The following DNAH9 variants were observed in gnomAD, a reference collection of about 807,000 sequenced individuals.
The protein encoded by DNAH9 is dynein axonemal heavy chain 9.
A neutral mutation model predicts 471.6 loss-of-function variants in DNAH9; 345 were observed. That is an observed-to-expected ratio of 0.73 (90% CI 0.67 to 0.80). The LOEUF (loss-of-function observed/expected upper bound fraction) is 0.80. DNAH9 is among the 30% of genes least tolerant of loss of function. The probability of loss-of-function intolerance (pLI) is 0.00; values close to 1 mark genes in which losing one functional copy is unlikely to be tolerated. For synonymous variants in DNAH9, 2,093 were observed against 2,123.6 expected (o/e 0.99, Z 0.40); for missense variants, 5,407 against 5,609.2 (o/e 0.96, Z 1.15).
chr17:11,910,966 C>T (rs1359575755), intron 61 of DNAH9, among the ~76,000 whole-genome samples: 3 of 151,978 alleles, frequency 2.0e-5, no homozygotes, highest in Admixed American at 6.6e-5. Flanking sequence ...ATATGATTTC[C>T]AAATATTTTT....
chr17:11,707,959 CCA>C (rs756020074), intron 26 of DNAH9, among the ~76,000 whole-genome samples: 178 of 106,540 alleles, frequency 1.7e-3, no homozygotes, highest in African/African-American at 3.5e-3. Flanking sequence ...GCCTCTCCCA[CCA>C]CACACACACA....
chr17:11,768,543 T>C lies in DNAH9; in HGVS notation c.7261T>C (p.Tyr2421His). The C allele has an allele frequency of 6.2e-7, 1 of 1,614,180 alleles. No homozygotes were observed. The highest frequency in any genetic ancestry group is 2.2e-5 in the East Asian group (1 of 44,874). ...FPSQGTIFDY[Y>H]IDPETKKFEP... ...TTCCCAAGGAACCATCTTTGACTAT[T>C]ACATCGACCCAGAGACCAAGAAATT... The change falls in exon 37 of 69, where the codon TAC becomes CAC. Residue 2421 changes from tyrosine to histidine, a missense_variant. By Grantham distance (83) the Tyr-to-His change is moderately conservative. Transcript: ENST00000262442.
chr17:11,899,452 C>T (rs927402068), intron 59 of DNAH9, among the ~76,000 whole-genome samples: 3 of 152,158 alleles, frequency 2.0e-5, no homozygotes, highest in African/African-American at 7.2e-5. Context: ...GCCAATTTAG[C>T]TCGGTTGTAT....
intron 33 of DNAH9, 138 bp downstream of exon 33, chr17:11,753,098 C>A: frequency 1.5e-6 from 1 of 666,596 alleles, no homozygotes; most frequent in Admixed American, 2.8e-5. Context: ...GCATCTTCAC[C>A]ACACATCTCT....
At chr17:11,745,797 C>T (rs561117911) in intron 31 of DNAH9, among the ~76,000 whole-genome samples, 204 of 152,238 alleles carry the variant, frequency 1.3e-3, no homozygotes, top group Non-Finnish European at 2.4e-3. Flanking sequence ...ATTCAAAATT[C>T]AGTGAGAGGA....
Position 11,693,451 on chromosome 17 carries a change from G to C in DNAH9, c.4615-417G>C, listed in dbSNP as rs577134969. ...TTTTTCTATTTTTAGTTGAGACAGG[G>C]TTTCACCATGTTGGCCAGGCTGGTC... On this transcript the variant is annotated intron_variant, in intron 20 of 68. Transcript: ENST00000262442. 2.0e-5 allele frequency among the ~76,000 whole-genome samples: 3 copies of C among 150,970 alleles called. No individual in the cohort carries two copies. The South Asian group carries it at 6.3e-4, about 32-fold the overall frequency.
intron 5 of DNAH9, among the ~76,000 whole-genome samples, chr17:11,618,510 C>T (rs546468136): frequency 2.7e-5 from 4 of 150,092 alleles, no homozygotes; most frequent in African/African-American, 9.8e-5. Flanking sequence ...CGCTTGAACC[C>T]GGGAGGCAGA....
chr17:11,841,758 T>A (rs1418860795), intron 49 of DNAH9, among the ~76,000 whole-genome samples: 1 of 152,122 alleles, frequency 6.6e-6, no homozygotes, highest in Non-Finnish European at 1.5e-5. Flanking sequence ...TTTATCTTTG[T>A]AGCTATTTTA....
intron 55 of DNAH9, chr17:11,883,014 T>G: frequency 1.0e-6 from 1 of 985,714 alleles, no homozygotes; most frequent in Non-Finnish European, 1.2e-6. Flanking sequence ...TACAGCTGCC[T>G]GAAGTTAGTG....
chr17:11,874,659 A>G (rs34235728), intron 52 of DNAH9, among the ~76,000 whole-genome samples: 1 of 152,192 alleles, frequency 6.6e-6, no homozygotes. Context: ...AGATTAAAAT[A>G]CAGATAATAT....
chr17:11,777,417 A>G (rs901675367), intron 38 of DNAH9, among the ~76,000 whole-genome samples: 5 of 152,158 alleles, frequency 3.3e-5, no homozygotes, highest in Admixed American at 6.5e-5. Flanking sequence ...TTCTTTTTGA[A>G]AATATAAATA....
intron 19 of DNAH9, among the ~76,000 whole-genome samples, chr17:11,689,363 T>G (rs2074293155): frequency 1.4e-5 from 1 of 70,800 alleles, no homozygotes. Flanking sequence ...CTGTCCTGAG[T>G]GTGTTTTTTT....
chr17:11,823,615 T>C (rs537367530), intron 48 of DNAH9, among the ~76,000 whole-genome samples: 9 of 152,312 alleles, frequency 5.9e-5, no homozygotes, highest in African/African-American at 1.9e-4. Flanking sequence ...TCTATCTCTA[T>C]CTGAGTAGTT....
chr17:11,738,831 C>T, intron 28 of DNAH9, 49 bp from the exon 29 acceptor site: 1 of 1,557,832 alleles, frequency 6.4e-7, no homozygotes, highest in African/African-American at 1.4e-5. Flanking sequence ...TATGATCCCT[C>T]CACTAAAAGG....
At chr17:11,778,416 G>C in intron 38 of DNAH9, among the ~76,000 whole-genome samples, 1 of 150,826 alleles carries the variant, frequency 6.6e-6, no homozygotes, top group East Asian at 1.9e-4. Context: ...GCTTGAGGAG[G>C]AGAACAGGAG....
At chr17:11,803,696 C>T (rs779710149) in intron 43 of DNAH9, among the ~76,000 whole-genome samples, 4 of 152,198 alleles carry the variant, frequency 2.6e-5, no homozygotes, top group Admixed American at 6.5e-5. Context: ...TCATCACAAA[C>T]GATGCATTTC....
chr17:11,644,892 T>C (rs199729048), intron 11 of DNAH9, among the ~76,000 whole-genome samples, 193 bp downstream of exon 11: 3 of 152,188 alleles, frequency 2.0e-5, no homozygotes, highest in East Asian at 1.9e-4. Context: ...TTCAGCTGTA[T>C]TCTGGAAATA....
In DNAH9 at chr17:11,784,479, A is replaced by G; in HGVS notation, c.8001A>G (p.Leu2667=). Residue 2667 remains leucine (L), a synonymous_variant, in exon 41 of 69, where the codon CTA becomes CTG. Coordinates refer to ENST00000262442, the MANE Select transcript of DNAH9 (RefSeq NM_001372.4). ...ACCAGAAAATTGCTACCACCTTCCT[A>G]CCCACAGGAATCAAATTCCACTACA... ...AFHQKIATTF[L]PTGIKFHYIF... 1 of 1,614,042 alleles carries G rather than the reference A, an allele frequency of 6.2e-7. No homozygotes were observed. The highest frequency in any genetic ancestry group is 8.5e-7 in the Non-Finnish European group (1 of 1,180,008).
chr17:11,671,878 T>G (rs1024644284), intron 17 of DNAH9, among the ~76,000 whole-genome samples: 1 of 152,146 alleles, frequency 6.6e-6, no homozygotes, highest in South Asian at 2.1e-4. Flanking sequence ...GAGGCCTGAC[T>G]TTTGTGTCCT....
Sources: gnomAD v4.1 joint callset for allele counts (sites outside exome capture counted in the v4.1 genomes callset) on GRCh38, gnomAD v4.1.1 for gene constraint, MANE v1.5 for transcripts, NCBI Gene and HGNC (gene_info 2026-07-23, HGNC 2026-07-21) for gene names.